CDK12: variants seen among roughly 807,000 people sequenced by gnomAD.
The protein encoded by CDK12 is cyclin-dependent kinase 12.
In CDK12, 17 loss-of-function variants were observed where a neutral mutation model predicts 133.8. That is an observed-to-expected ratio of 0.13 (90% CI 0.09 to 0.19). The LOEUF (loss-of-function observed/expected upper bound fraction) is 0.19, where lower values mean the gene tolerates loss of function less well. CDK12 is among the 10% of genes least tolerant of loss of function. The probability of loss-of-function intolerance (pLI) is 1.00; values close to 1 mark genes in which losing one functional copy is unlikely to be tolerated. For missense variants in CDK12, 1,508 were observed against 1,818.7 expected, an observed-to-expected ratio of 0.83 and a Z score of 3.11; for synonymous variants, 694 against 683.6, an observed-to-expected ratio of 1.02 and a Z score of -0.24.
At chr17:39,546,940 A>G (rs539738242), upstream of CDK12, among the ~76,000 whole-genome samples, 10 of 152,206 alleles carry the variant, frequency 6.6e-5, no homozygotes, top group South Asian at 2.1e-3. Context: ...TCAAATGTCC[A>G]TCCCTTTTTC....
At chr17:39,492,366 G>A (rs902259487) in intron 3 of CDK12, among the ~76,000 whole-genome samples, 7 of 148,718 alleles carry the variant, frequency 4.7e-5, no homozygotes, top group Non-Finnish European at 5.9e-5. Context: ...AAAGTGCTGG[G>A]ATTACAGGCA....
At chr17:39,563,151 C>T (rs1160360553) in intron 3 of CDK12, among the ~76,000 whole-genome samples, 1 of 151,944 alleles carries the variant, frequency 6.6e-6, no homozygotes, top group South Asian at 2.1e-4. Flanking sequence ...CATTCTACTG[C>T]GATCCAAAAC....
intron 5 of CDK12, among the ~76,000 whole-genome samples, chr17:39,499,686 T>C (rs1299505933): frequency 1.4e-5 from 2 of 147,164 alleles, no homozygotes; most frequent in African/African-American, 5.0e-5. Context: ...ATTTTTGTAT[T>C]TTTTTTTAGT....
chr17:39,486,931 C>G (rs1301514966), intron 2 of CDK12, among the ~76,000 whole-genome samples: 2 of 152,084 alleles, frequency 1.3e-5, no homozygotes, highest in Non-Finnish European at 2.9e-5. Context: ...TCACTTGAAC[C>G]CAGGAGGCAG....
chr17:39,470,410 C>T (rs57009492), intron 1 of CDK12, among the ~76,000 whole-genome samples: 15,769 of 152,092 alleles, frequency 0.1, 889 homozygotes, highest in African/African-American at 0.15. Flanking sequence ...TGTGAGCTAC[C>T]GTGCCCAGCC....
At chr17:39,497,969 TTCTC>T (rs1317224735) in intron 5 of CDK12, among the ~76,000 whole-genome samples, 8 of 151,896 alleles carry the variant, frequency 5.3e-5, no homozygotes, top group Middle Eastern at 3.4e-3. Flanking sequence ...TTTATTTACT[TTCTC>T]TCCCTCTCTC....
chr17:39,462,789 G>A lies in CDK12; in HGVS notation c.718G>A (p.Ala240Thr), dbSNP rs766306233. The change falls in exon 1 of 14, where the codon GCT (alanine) becomes ACT (threonine). Residue 240 changes from alanine (A) to threonine (T), a missense_variant. By Grantham distance (58) the Ala-to-Thr change is moderately conservative. Coordinates refer to ENST00000447079, the MANE Select transcript of CDK12 (RefSeq NM_016507.4). ...CAAACAAGATGATAGCCCCTCGGGAGCTTCTTATGGCCAAGATTATGACCT... is the reference window on the plus strand; with the variant it reads ...CAAACAAGATGATAGCCCCTCGGGAACTTCTTATGGCCAAGATTATGACCT... ...SSKQDDSPSG[A>T]SYGQDYDLSP... 5 of 1,614,196 alleles carry A rather than the reference G, an allele frequency of 3.1e-6. No homozygotes were observed. Among genetic ancestry groups the A allele is most frequent in the Admixed American group, 1.7e-5 (1 of 60,014 alleles).
rs943962555 is a variant in CDK12 at position 39,461,703 on chromosome 17, C to G, written c.-369C>G. ...GGGCCCGCGTAGTCCTCGCAGGGCC[C>G]CAGAGCTGGAGTCGGCTCCACAGCC... On this transcript the variant is annotated 5_prime_UTR_variant, in exon 1 of 14. Transcript: ENST00000447079. 7.9e-5 allele frequency: 25 copies of G among 315,658 alleles called. No individual in the cohort carries two copies. The highest frequency in any genetic ancestry group is 1.4e-4 in the Non-Finnish European group (23 of 168,162). 19.6% of individuals were successfully genotyped at this position (315,658 alleles called of 1,614,324 possible). A position where few individuals can be genotyped will look rare whatever the true frequency, so the allele number is the denominator to read the frequency against.
In CDK12 at chr17:39,462,811, A is replaced by G. The variant is rs1185996352; in HGVS notation, c.740A>G (p.Asp247Gly). 1 of 1,614,142 alleles carries G rather than the reference A, an allele frequency of 6.2e-7. No homozygotes were observed. The highest frequency in any genetic ancestry group is 8.5e-7 in the Non-Finnish European group (1 of 1,180,028). Residue 247 changes from aspartate to glycine, a missense_variant, in exon 1 of 14, where the codon GAC becomes GGC. Physicochemically the swap from Asp to Gly is moderately conservative, Grantham distance 94 (BLOSUM62 -1). Transcript: ENST00000447079. ...GGAGCTTCTTATGGCCAAGATTATG[A>G]CCTTAGTCCCTCACGATCTCATACC... is the stretch of plus-strand genomic sequence containing the variant. Reference protein sequence around the residue: ...PSGASYGQDYDLSPSRSHTSS... With the variant: ...PSGASYGQDYGLSPSRSHTSS...
rs749830138 is a variant in CDK12, at chr17:39,501,296, A to C, written c.2466A>C (p.Gly822=). 35 of 1,612,734 alleles carry C rather than the reference A, an allele frequency of 2.2e-5. No individual in the cohort carries two copies. The highest frequency in any genetic ancestry group is 5.9e-6 in the Non-Finnish European group (7 of 1,179,688). ...AGTATATGGACCATGACTTAATGGG[A>C]CTGCTAGAATCTGGTTTGGTGCACT... is the stretch of plus-strand genomic sequence containing the variant. The part of the protein sequence containing the change: ...VFEYMDHDLM[G]LLESGLVHFS... The change falls in exon 6 of 14, where the codon GGA becomes GGC. Residue 822 remains glycine, a synonymous_variant. Transcript: ENST00000447079.
At chr17:39,487,016 AG>A (rs2051188104) in intron 2 of CDK12, among the ~76,000 whole-genome samples, 1 of 152,216 alleles carries the variant, frequency 6.6e-6, no homozygotes, top group Non-Finnish European at 1.5e-5. Flanking sequence ...TCAAAAAAAA[AG>A]AATCTATATT....
upstream of CDK12, chr17:39,543,871 G>A: frequency 5.8e-6 from 1 of 173,076 alleles, no homozygotes; most frequent in Admixed American, 5.6e-5. Context: ...TCTAAAACTG[G>A]GTGGCCTCCT....
downstream of CDK12, among the ~76,000 whole-genome samples, chr17:39,538,973 A>G (rs1380619950): frequency 6.6e-6 from 1 of 152,120 alleles, no homozygotes; most frequent in African/African-American, 2.4e-5. Context: ...TATCCTGAGC[A>G]ATATGTAGGA....
intron 6 of CDK12, among the ~76,000 whole-genome samples, chr17:39,504,784 C>G (rs2052977377): frequency 7.2e-6 from 1 of 139,060 alleles, no homozygotes; most frequent in Non-Finnish European, 1.5e-5. Flanking sequence ...GAGGCCAAGG[C>G]ATGAGAACTG....
chr17:39,509,384 A>G (rs900068766), intron 6 of CDK12, among the ~76,000 whole-genome samples: 1 of 152,202 alleles, frequency 6.6e-6, no homozygotes, highest in Non-Finnish European at 1.5e-5. Context: ...ACTGTTGTTT[A>G]CCATGAAATA....
intron 11 of CDK12, among the ~76,000 whole-genome samples, chr17:39,521,889 A>G: frequency 6.7e-6 from 1 of 149,732 alleles, no homozygotes; most frequent in Non-Finnish European, 1.5e-5. Flanking sequence ...AATTGTAGAA[A>G]TGGAGTCTCA....
intron 13 of CDK12, among the ~76,000 whole-genome samples, chr17:39,528,014 C>G (rs536070540): frequency 6.6e-6 from 1 of 152,014 alleles, no homozygotes; most frequent in African/African-American, 2.4e-5. Context: ...CTCCTGGGTT[C>G]AAGCAATTCT....
chr17:39,565,723 C>T (rs567408532), downstream of CDK12, among the ~76,000 whole-genome samples: 11 of 152,318 alleles, frequency 7.2e-5, no homozygotes, highest in Middle Eastern at 3.4e-3. Context: ...CGTGAGCCAC[C>T]GTGCCCAGCT....
chr17:39,488,630 G>A (rs895158211), intron 2 of CDK12, among the ~76,000 whole-genome samples: 2 of 152,070 alleles, frequency 1.3e-5, no homozygotes, highest in Non-Finnish European at 2.9e-5. Context: ...GTATTAAATT[G>A]TTGAGCTCTT....
Sources: gnomAD v4.1 joint callset for allele counts (sites outside exome capture counted in the v4.1 genomes callset) on GRCh38, gnomAD v4.1.1 for gene constraint, MANE v1.5 for transcripts, NCBI Gene and HGNC (gene_info 2026-07-23, HGNC 2026-07-21) for gene names.